Variants in BACE1 observed in about 807,000 individuals in gnomAD.
The protein encoded by BACE1 is APP beta-secretase.
In BACE1, 21 loss-of-function variants were observed where a neutral mutation model predicts 54.0. The ratio of observed to expected loss-of-function variants is 0.39; its 90% CI spans 0.28 to 0.56. BACE1 has a LOEUF of 0.56. BACE1 is among the 20% of genes least tolerant of loss of function. The pLI is 0.63. For synonymous variants in BACE1, 232 were observed against 260.9 expected (o/e 0.89, Z 1.07); for missense variants, 511 against 661.2 (o/e 0.77, Z 2.49).
In BACE1 at chr11:117,315,011, G is replaced by C. The variant is rs528772866; in HGVS notation, c.261+524C>G. ...GGCGGAGTGCAGTCAGGGGGGCCTC[G>C]ACAACCTCACTTTGCCGTACCAGTG... is the stretch of plus-strand genomic sequence containing the variant. On this transcript the variant is annotated intron_variant, in intron 1 of 8. Coordinates refer to ENST00000313005, the MANE Select transcript of BACE1 (RefSeq NM_012104.6). This position sits in a 1 kb window ranked among gnomAD's most constrained non-coding sequence, Gnocchi z 5.5. Among the ~76,000 whole-genome samples, 4 of 152,172 alleles carry C rather than the reference G, an allele frequency of 2.6e-5. No individual in the cohort carries two copies. Among genetic ancestry groups the C allele is most frequent in the Non-Finnish European group, 2.9e-5 (2 of 68,014 alleles).
In BACE1 at chr11:117,290,503, C is replaced by T; in HGVS notation, c.1249G>A (p.Val417Ile). The change falls in exon 8 of 9, where the codon GTC (valine) becomes ATC (isoleucine). Residue 417 changes from valine (V) to isoleucine (I), a missense_variant. Coordinates refer to ENST00000313005, the MANE Select transcript of BACE1 (RefSeq NM_012104.6). The stretch of plus-strand genomic sequence containing the variant: ...GCACTCTCACCATGGCAAGCGCTGA[C>T]AGCAAAGCCAATTCGTTTTCGGGCC... ...DRARKRIGFAVSACHVHDEFR... is the reference protein window; with the variant it reads ...DRARKRIGFAISACHVHDEFR... The T allele has an allele frequency of 6.2e-7, 1 of 1,614,126 alleles. No homozygotes were observed. The highest frequency in any genetic ancestry group is 8.5e-7 in the Non-Finnish European group (1 of 1,179,982).
chr11:117,315,446 TTTG>T lies in BACE1; in HGVS notation c.261+86_261+88del. On this transcript the variant is annotated intron_variant, in intron 1 of 8. Transcript: ENST00000313005. The surrounding 1 kb of genome is among the most constrained non-coding windows in gnomAD (Gnocchi z 5.5). ...CCCTCCTGCTGTCCCCACCAGCCCATTTGAGCAGGGGCTAGCTTGAGGCATCCC... is the reference window on the plus strand; with the variant it reads ...CCCTCCTGCTGTCCCCACCAGCCCATAGCAGGGGCTAGCTTGAGGCATCCC... 1.5e-5 allele frequency: 23 copies of T among 1,495,586 alleles called. No individual in the cohort carries two copies. The highest frequency in any genetic ancestry group is 2.0e-5 in the Non-Finnish European group (23 of 1,125,822). 92.6% of individuals were successfully genotyped at this position (1,495,586 alleles called of 1,614,324 possible). A position where few individuals can be genotyped will look rare whatever the true frequency, so the allele number is the denominator to read the frequency against.
In BACE1 at chr11:117,293,226, C is replaced by T. The variant is rs372305811; in HGVS notation, c.706-38G>A. On this transcript the variant is annotated intron_variant, in intron 4 of 8. Coordinates refer to ENST00000313005, the MANE Select transcript of BACE1 (RefSeq NM_012104.6). This position sits in a 1 kb window ranked among gnomAD's most constrained non-coding sequence, Gnocchi z 4.1. ...AGAGGCAGGTACCCGTGTCCTGGCA[C>T]AGAAGGAGAGTGAGTCCCCCAAGGA... 5.6e-6 allele frequency: 9 copies of T among 1,608,690 alleles called. No individual in the cohort carries two copies. In the African/African-American group the frequency reaches 1.2e-4, roughly 21 times the overall value.
At chr11:117,294,219 CTTT>C (rs113659541) in intron 3 of BACE1, 289 of 277,604 alleles carry the variant, frequency 1.0e-3, no homozygotes, top group South Asian at 1.4e-3. Flanking sequence ...ATTCATAGAT[CTTT>C]TTTTTTTTTT....
At chr11:117,296,819 T>A in intron 2 of BACE1, 54 bp downstream of exon 2, 1 of 1,407,136 alleles carries the variant, frequency 7.1e-7, no homozygotes, top group South Asian at 1.2e-5. Context: ...CTGACCCTTC[T>A]TAGCCCTGGA....
rs761109586 is a variant in BACE1, at chr11:117,312,425, T to C, written c.261+3110A>G. Among the ~76,000 whole-genome samples, 34 of 152,258 alleles carry C rather than the reference T, an allele frequency of 2.2e-4. No homozygotes were observed. The Middle Eastern group carries it at 0.01, about 46-fold the overall frequency. ...GAGTTTATCACTTTCTGAACACCTG[T>C]GGCACTCACTCTCTGCACTCCTATA... On this transcript the variant is annotated intron_variant, in intron 1 of 8. Transcript: ENST00000313005.
intron 1 of BACE1, among the ~76,000 whole-genome samples, chr11:117,305,831 C>G (rs529119463): frequency 1.3e-5 from 2 of 151,898 alleles, no homozygotes; most frequent in African/African-American, 4.8e-5. Context: ...GTCAGGAGAT[C>G]GAGACCATCC....
chr11:117,299,667 C>A (rs1170896187), intron 1 of BACE1: 1 of 408,770 alleles, frequency 2.4e-6, no homozygotes. Flanking sequence ...TGGTCTCTCT[C>A]CCCGGTCTCT....
chr11:117,313,273 G>C (rs1220030884), intron 1 of BACE1, among the ~76,000 whole-genome samples: 1 of 152,142 alleles, frequency 6.6e-6, no homozygotes, highest in Non-Finnish European at 1.5e-5. Flanking sequence ...TAGCTTCCTG[G>C]ACTGGTGTTG....
At chr11:117,311,861 G>T (rs765882736) in intron 1 of BACE1, among the ~76,000 whole-genome samples, 11 of 152,130 alleles carry the variant, frequency 7.2e-5, no homozygotes, top group African/African-American at 2.6e-4. Flanking sequence ...GGTTGGTCTC[G>T]AACTCCTGAC....
At position 117,300,609 on chromosome 11, in the gene BACE1, G is replaced by A. The variant is rs1032434381; in HGVS notation, c.262-3648C>T. Among the ~76,000 whole-genome samples, 10 of 152,130 alleles carry A rather than the reference G, an allele frequency of 6.6e-5. No homozygotes were observed. In the East Asian group the frequency reaches 1.4e-3, roughly 21 times the overall value. On this transcript the variant is annotated intron_variant, in intron 1 of 8. Coordinates refer to ENST00000313005, the MANE Select transcript of BACE1 (RefSeq NM_012104.6). ...ACCCCAGCAGCTGGGTTCCCCTCTC[G>A]GGTCACTGAACTGGGCCAGGGGATG...
At position 117,293,489 on chromosome 11, in the gene BACE1, T is replaced by C. The variant is rs560875437; in HGVS notation, c.706-301A>G. The C allele has an allele frequency of 3.4e-6, 1 of 290,050 alleles. No homozygotes were observed. Among genetic ancestry groups the C allele is most frequent in the Non-Finnish European group, 6.3e-6 (1 of 159,758 alleles). The allele number at this position is 290,050 out of a possible 1,614,324, so 18.0% of individuals were successfully genotyped here. A position where few individuals can be genotyped will look rare whatever the true frequency, so the allele number is the denominator to read the frequency against. On this transcript the variant is annotated intron_variant, in intron 4 of 8. Coordinates refer to ENST00000313005, the MANE Select transcript of BACE1 (RefSeq NM_012104.6). The surrounding 1 kb of genome is among the most constrained non-coding windows in gnomAD (Gnocchi z 4.1). ...TGTTGAATGAATGGTTATTTGTTTA[T>C]ATTATAAGTTTTATTTTCTCTGCTT...
At chr11:117,309,404 A>G (rs867671539) in intron 1 of BACE1, among the ~76,000 whole-genome samples, 8 of 152,158 alleles carry the variant, frequency 5.3e-5, no homozygotes, top group East Asian at 1.9e-4. Flanking sequence ...GCTTTTCTTC[A>G]TGAAGTGCTC....
rs1321515925 is a variant in BACE1 at position 117,286,508 on chromosome 11, A to G, written c.*3058T>C. On this transcript the variant is annotated 3_prime_UTR_variant, in exon 9 of 9. Transcript: ENST00000313005. ...AGGGAAAGGACATTATTATATTACC[A>G]ATAGCTGATTTTTTTTTCCATTCTG... 4 of 152,626 alleles carry G rather than the reference A, an allele frequency of 2.6e-5. No homozygotes were observed. The highest frequency in any genetic ancestry group is 7.2e-5 in the African/African-American group (3 of 41,456). The allele number at this position is 152,626 out of a possible 1,614,324, so 9.5% of individuals were successfully genotyped here. A position where few individuals can be genotyped will look rare whatever the true frequency, so the allele number is the denominator to read the frequency against.
chr11:117,311,574 T>C (rs1003243067), intron 1 of BACE1, among the ~76,000 whole-genome samples: 2 of 152,202 alleles, frequency 1.3e-5, no homozygotes, highest in Non-Finnish European at 2.9e-5. Flanking sequence ...CTCCTTGTCA[T>C]AGAGGGCCTC....
chr11:117,297,072 G>A (rs758625491), intron 1 of BACE1, 111 bp from the exon 2 acceptor site: 6 of 800,692 alleles, frequency 7.5e-6, no homozygotes, highest in Admixed American at 2.3e-5. Context: ...TGTCCAGAGT[G>A]AAGCTCCACG....
Position 117,293,958 on chromosome 11 carries a change from G to T in BACE1, c.618C>A (p.His206Gln). The T allele has an allele frequency of 6.2e-7, 1 of 1,614,074 alleles. No individual in the cohort carries two copies. The highest frequency in any genetic ancestry group is 8.5e-7 in the Non-Finnish European group (1 of 1,179,986). Residue 206 changes from histidine to glutamine, a missense_variant, in exon 4 of 9, where the codon CAC becomes CAA. By Grantham distance (24) the His-to-Gln change is conservative. Coordinates refer to ENST00000313005, the MANE Select transcript of BACE1 (RefSeq NM_012104.6). This position sits in a 1 kb window ranked among gnomAD's most constrained non-coding sequence, Gnocchi z 4.1. ...GCTGCAGGGAGAAGAGGTTGGGAAC[G>T]TGGGTCTGCTTTACCAGAGAGTCAA... ...PFFDSLVKQT[H>Q]VPNLFSLQLC...
intron 1 of BACE1, among the ~76,000 whole-genome samples, chr11:117,300,382 T>G (rs990661744): frequency 2.0e-5 from 3 of 152,310 alleles, no homozygotes; most frequent in Middle Eastern, 3.4e-3. Flanking sequence ...ATTCTGGTCC[T>G]GTCCTTCAGC....
chr11:117,296,069 G>A (rs915321986), intron 2 of BACE1, among the ~76,000 whole-genome samples: 10 of 152,266 alleles, frequency 6.6e-5, no homozygotes, highest in African/African-American at 1.7e-4. Context: ...GGGAAGGTGC[G>A]TTTTGCAGCT....
Sources: gnomAD v4.1 joint callset for allele counts (sites outside exome capture counted in the v4.1 genomes callset) on GRCh38, gnomAD v4.1.1 for gene constraint, Gnocchi (gnomAD v3.1) non-coding constraint, MANE v1.5 for transcripts, NCBI Gene and HGNC (gene_info 2026-07-23, HGNC 2026-07-21) for gene names.